DMKN: variants seen among roughly 807,000 people sequenced by gnomAD.
DMKN encodes the protein dermokine, also known as epidermis-specific secreted protein SK30/SK89.
Under a neutral mutation model 67.6 loss-of-function variants are expected in DMKN, and 58 were observed. The observed-to-expected ratio is 0.86, with a 90% CI of 0.69 to 1.07. The LOEUF (loss-of-function observed/expected upper bound fraction) is 1.07, where lower values mean the gene tolerates loss of function less well. DMKN is among the 50% of genes least tolerant of loss of function. The probability of loss-of-function intolerance (pLI) is 0.00; values close to 1 mark genes in which losing one functional copy is unlikely to be tolerated. For missense variants in DMKN, 596 were observed against 601.5 expected, an observed-to-expected ratio of 0.99 and a Z score of 0.10; for synonymous variants, 240 against 232.3, an observed-to-expected ratio of 1.03 and a Z score of -0.30.
At chr19:35,502,962 T>C (rs1469085577) in intron 9 of DMKN, 76 bp from the exon 10 acceptor site, 2 of 1,448,862 alleles carry the variant, frequency 1.4e-6, no homozygotes, top group Non-Finnish European at 9.4e-7. Context: ...GCTACTGCCC[T>C]ATCTCAACCT....
At chr19:35,509,862 T>A in intron 7 of DMKN, 49 bp downstream of exon 7, 1 of 1,610,022 alleles carries the variant, frequency 6.2e-7, no homozygotes, top group Non-Finnish European at 8.5e-7. Flanking sequence ...GGCACAGTCC[T>A]GGGCAGGAAC....
chr19:35,511,989 C>T (rs979731438), intron 3 of DMKN, among the ~76,000 whole-genome samples, 176 bp from the exon 4 acceptor site: 8 of 146,098 alleles, frequency 5.5e-5, no homozygotes, highest in Non-Finnish European at 4.5e-5. Context: ...CCCGTCTCTT[C>T]CTCCTTTTTT....
At chr19:35,512,528 C>T (rs7254784) in intron 2 of DMKN, 51 bp from the exon 3 acceptor site, 423,015 of 1,613,738 alleles carry the variant, frequency 0.26, 59,857 homozygotes, top group East Asian at 0.6. Flanking sequence ...CAGGGAGGCA[C>T]GCGGAGCATG....
chr19:35,500,184 C>T, intron 12 of DMKN, 155 bp from the exon 13 acceptor site: 1 of 1,167,876 alleles, frequency 8.6e-7, no homozygotes, highest in South Asian at 1.5e-5. Flanking sequence ...ACAATCTCCT[C>T]CAGCCAGCCA....
intron 13 of DMKN, 148 bp from the exon 14 acceptor site, chr19:35,499,045 G>T (rs1452324270): frequency 7.6e-5 from 86 of 1,131,906 alleles, no homozygotes; most frequent in Non-Finnish European, 1.0e-4. Flanking sequence ...GGACATTCAG[G>T]CTGTGGAGTT....
At chr19:35,509,072 T>A (rs933202241) in intron 7 of DMKN, among the ~76,000 whole-genome samples, 1 of 149,452 alleles carries the variant, frequency 6.7e-6, no homozygotes, top group East Asian at 2.0e-4. Flanking sequence ...CAAAAAAAAA[T>A]TAGCCAGAGG....
intron 15 of DMKN, chr19:35,498,302 A>AT: frequency 5.0e-6 from 1 of 198,582 alleles, no homozygotes; most frequent in Non-Finnish European, 1.0e-5. Context: ...CACCTGGCTA[A>AT]TTTTTTGTAT....
At chr19:35,498,807 T>A (rs752112054) in intron 14 of DMKN, 44 bp from the exon 15 acceptor site, 1 of 1,614,154 alleles carries the variant, frequency 6.2e-7, no homozygotes, top group Non-Finnish European at 8.5e-7. Flanking sequence ...ACAGGGTCCC[T>A]TCCATACCCT....
rs748895946 is a variant in DMKN at position 35,511,445 on chromosome 19, C to T, written c.884G>A (p.Gly295Asp). ...CTCACTGCCGCTGTCACCTCTGCTGCCACCACTGTTGCCACTGCTGCCACC... is the reference window on the plus strand; with the variant it reads ...CTCACTGCCGCTGTCACCTCTGCTGTCACCACTGTTGCCACTGCTGCCACC... ...SSGGSSGNSG[G>D]SRGDSGSESS... is the part of the protein sequence containing the mutation. Residue 295 changes from glycine to aspartate, a missense_variant, in exon 5 of 16, where the codon GGC becomes GAC. By Grantham distance (94) the Gly-to-Asp change is moderately conservative. Transcript: ENST00000339686. 6.3e-7 allele frequency: 1 copy of T among 1,589,898 alleles called. No individual in the cohort carries two copies. Among genetic ancestry groups the T allele is most frequent in the Non-Finnish European group, 8.5e-7 (1 of 1,172,420 alleles).
At position 35,509,242 on chromosome 19, in the gene DMKN, T is replaced by C. The variant is rs578083840; in HGVS notation, c.1038+669A>G. Among the ~76,000 whole-genome samples, 4 of 150,036 alleles carry C rather than the reference T, an allele frequency of 2.7e-5. No individual in the cohort carries two copies. In the East Asian group the frequency reaches 6.0e-4, roughly 22 times the overall value. ...TCTCAAAAAGGAAAAAAACACAAAC[T>C]AGAAAGAGGGTTACAAATGGGAAGA... On this transcript the variant is annotated intron_variant, in intron 7 of 15. Coordinates refer to ENST00000339686, the MANE Select transcript of DMKN (RefSeq NM_033317.5).
rs1348510607 is a variant in DMKN at position 35,503,167 on chromosome 19, G to GGACCTGCCTCAGAGTGTCCCCTTTC, written c.1135-306_1135-282dup. 5 of 1,294,424 alleles carry GGACCTGCCTCAGAGTGTCCCCTTTC rather than the reference G, an allele frequency of 3.9e-6. No individual in the cohort carries two copies. The East Asian group carries it at 7.7e-5, about 20-fold the overall frequency. 80.2% of individuals were successfully genotyped at this position (1,294,424 alleles called of 1,614,324 possible). A position where few individuals can be genotyped will look rare whatever the true frequency, so the allele number is the denominator to read the frequency against. On this transcript the variant is annotated intron_variant, in intron 9 of 15. Transcript: ENST00000339686. ...TAATTCTAGCAAAACCTCAAGACTA[G>GGACCTGCCTCAGAGTGTCCCCTTTC]GACCTGCCTCAGAGTGTCCCCTTTC... is the stretch of plus-strand genomic sequence containing the variant.
chr19:35,510,547 G>T, intron 5 of DMKN: 1 of 1,533,084 alleles, frequency 6.5e-7, no homozygotes, highest in South Asian at 1.2e-5. Context: ...CAGTAGCCGC[G>T]ATCCTGCCAC....
intron 9 of DMKN, chr19:35,503,500 G>C: frequency 1.3e-6 from 2 of 1,534,896 alleles, no homozygotes; most frequent in Non-Finnish European, 1.8e-6. Flanking sequence ...TTTTGAGATG[G>C]AGTCTCGCTC....
Position 35,510,335 on chromosome 19 carries a change from T to C in DMKN, c.919-83A>G, listed in dbSNP as rs1231769811. 4 of 1,553,100 alleles carry C rather than the reference T, an allele frequency of 2.6e-6. No individual in the cohort carries two copies. In the South Asian group the frequency reaches 3.6e-5, roughly 14 times the overall value. On this transcript the variant is annotated intron_variant, in intron 5 of 15. Coordinates refer to ENST00000339686, the MANE Select transcript of DMKN (RefSeq NM_033317.5). ...CGTTCCCAGCGGTGTTACAGATTTG[T>C]TGGAACCCCAATCAGATTCCAGTCC...
intron 11 of DMKN, chr19:35,501,717 A>G (rs1050122603): frequency 1.6e-6 from 2 of 1,233,402 alleles, no homozygotes; most frequent in Non-Finnish European, 2.2e-6. Flanking sequence ...TGACCCCTGC[A>G]CACCGCCCTC....
chr19:35,507,564 G>A (rs1427253675), intron 7 of DMKN: 7 of 1,488,846 alleles, frequency 4.7e-6, no homozygotes, highest in Non-Finnish European at 6.4e-6. Context: ...CGGGCAGGGG[G>A]ACGAGAGGGC....
intron 10 of DMKN, among the ~76,000 whole-genome samples, chr19:35,502,421 T>C (rs12460134): frequency 0.51 from 78,022 of 151,806 alleles, 21,198 homozygotes; most frequent in African/African-American, 0.69. Flanking sequence ...GGGAGTTGGC[T>C]GGGCGCGGTG....
At chr19:35,498,524 A>T in intron 15 of DMKN, 192 bp downstream of exon 15, 1 of 731,090 alleles carries the variant, frequency 1.4e-6, no homozygotes, top group Non-Finnish European at 2.2e-6. Context: ...TCACTTTATT[A>T]TGGGTCTTTC....
At chr19:35,509,396 T>G (rs927963114) in intron 7 of DMKN, 1 of 153,166 alleles carries the variant, frequency 6.5e-6, no homozygotes, top group African/African-American at 2.4e-5. Flanking sequence ...ACGTGGGTCC[T>G]TTCCCACCAA....
Sources: allele counts gnomAD v4.1 joint callset (sites outside exome capture counted in the v4.1 genomes callset), GRCh38; gene constraint gnomAD v4.1.1; transcripts MANE v1.5; gene names NCBI Gene and HGNC (gene_info 2026-07-23, HGNC 2026-07-21).